The following NAP1L4 variants were observed in gnomAD, a reference collection of about 807,000 sequenced individuals.
NAP1L4 encodes nucleosome assembly protein 1 like 4.
Under a neutral mutation model 58.2 loss-of-function variants are expected in NAP1L4, and 15 were observed. The ratio of observed to expected loss-of-function variants is 0.26; its 90% CI spans 0.17 to 0.40. NAP1L4 has a LOEUF of 0.40. Ranked by LOEUF, NAP1L4 falls within the 10% of genes least tolerant of loss-of-function variation. The pLI, the probability that NAP1L4 is intolerant of heterozygous loss-of-function variation, is 1.00. For synonymous variants in NAP1L4, 171 were observed against 155.6 expected (o/e 1.10, Z -0.74); for missense variants, 384 against 451.1 (o/e 0.85, Z 1.35).
intron 1 of NAP1L4, among the ~76,000 whole-genome samples, chr11:2,985,710 A>G (rs1465997886): frequency 2.6e-5 from 4 of 151,696 alleles, no homozygotes; most frequent in Non-Finnish European, 5.9e-5. Context: ...AACTAAAAAT[A>G]AATAAAAGAC....
Position 2,971,366 on chromosome 11 carries a change from C to T in NAP1L4, c.402+82G>A. On this transcript the variant is annotated intron_variant, in intron 6 of 15. Transcript: ENST00000380542. The surrounding 1 kb of genome is among the most constrained non-coding windows in gnomAD (Gnocchi z 4.2). ...CTACTGTTAGAAGCACATAAGTTTA[C>T]TAGTCATTAAAAATCATTAAAAAAT... 1 of 1,226,458 alleles carries T rather than the reference C, an allele frequency of 8.2e-7. No individual in the cohort carries two copies. The allele number at this position is 1,226,458 out of a possible 1,614,324, so 76.0% of individuals were successfully genotyped here.
chr11:2,959,993 G>C lies in NAP1L4; in HGVS notation c.607-84C>G. ...TGCTTGGAGTACACAACACTTACTA[G>C]AAGCTATTTTGGGAAAGCTCAACAG... is the stretch of plus-strand genomic sequence containing the variant. On this transcript the variant is annotated intron_variant, in intron 8 of 15. Transcript: ENST00000380542. The surrounding 1 kb of genome is among the most constrained non-coding windows in gnomAD (Gnocchi z 4.9). The C allele has an allele frequency of 7.1e-7, 1 of 1,407,158 alleles. No individual in the cohort carries two copies. The highest frequency in any genetic ancestry group is 9.7e-7 in the Non-Finnish European group (1 of 1,029,620). 87.2% of individuals were successfully genotyped at this position (1,407,158 alleles called of 1,614,324 possible). A position where few individuals can be genotyped will look rare whatever the true frequency, so the allele number is the denominator to read the frequency against.
intron 12 of NAP1L4, among the ~76,000 whole-genome samples, chr11:2,953,441 C>T (rs1468642453): frequency 6.6e-6 from 1 of 152,202 alleles, no homozygotes; most frequent in East Asian, 1.9e-4. Context: ...ATTTCAAGTC[C>T]TCAAGTGGTC....
chr11:2,966,036 A>T (rs1272292116), intron 7 of NAP1L4, among the ~76,000 whole-genome samples: 1 of 152,248 alleles, frequency 6.6e-6, no homozygotes, highest in Non-Finnish European at 1.5e-5. Flanking sequence ...AGGAGTGGGA[A>T]GACCTGAATC....
intron 1 of NAP1L4, among the ~76,000 whole-genome samples, chr11:2,985,064 G>A (rs1473367844): frequency 2.6e-5 from 4 of 152,164 alleles, no homozygotes; most frequent in Admixed American, 2.6e-4. Context: ...ATAGACTGAA[G>A]GTAATTTTAT....
intron 7 of NAP1L4, among the ~76,000 whole-genome samples, chr11:2,968,820 T>C (rs61871238): frequency 0.14 from 21,054 of 152,186 alleles, 1,545 homozygotes; most frequent in Middle Eastern, 0.17. Context: ...AGTCAGTCAG[T>C]GAGACTTAAG....
intron 1 of NAP1L4, among the ~76,000 whole-genome samples, chr11:2,987,750 C>T (rs1043065525): frequency 1.8e-5 from 2 of 111,546 alleles, no homozygotes; most frequent in Non-Finnish European, 3.7e-5. Flanking sequence ...GAGCGAGACT[C>T]CACCTCAAAA....
intron 1 of NAP1L4, among the ~76,000 whole-genome samples, chr11:2,986,615 G>A (rs1007877187): frequency 1.4e-5 from 2 of 138,660 alleles, no homozygotes; most frequent in Non-Finnish European, 3.0e-5. Flanking sequence ...CAAAATTAGG[G>A]ATGGTAGTAA....
chr11:2,946,714 C>T lies in NAP1L4; in HGVS notation c.*33-1068G>A, dbSNP rs1845957089. Among the ~76,000 whole-genome samples the T allele has an allele frequency of 6.6e-6, 1 of 152,170 alleles. No individual in the cohort carries two copies. Among genetic ancestry groups the T allele is most frequent in the Non-Finnish European group, 1.5e-5 (1 of 68,040 alleles). On this transcript the variant is annotated intron_variant, in intron 15 of 15. Coordinates refer to ENST00000380542, the MANE Select transcript of NAP1L4 (RefSeq NM_005969.4). The surrounding 1 kb of genome is among the most constrained non-coding windows in gnomAD (Gnocchi z 4.8). ...ATATGCAAAAAACAAAATCAATAAC[C>T]TTGAACCCTGGTGTCTAAGCTCCCA...
At chr11:2,987,550 G>A (rs1253646287) in intron 1 of NAP1L4, among the ~76,000 whole-genome samples, 1 of 151,454 alleles carries the variant, frequency 6.6e-6, no homozygotes, top group Non-Finnish European at 1.5e-5. Flanking sequence ...GAGGTCAGGA[G>A]TTCGAGACCA....
intron 2 of NAP1L4, among the ~76,000 whole-genome samples, chr11:2,978,987 C>T (rs144198438): frequency 6.6e-6 from 1 of 152,188 alleles, no homozygotes; most frequent in African/African-American, 2.4e-5. Flanking sequence ...GAGAGCAAAA[C>T]GATTGCTTTC....
intron 6 of NAP1L4, among the ~76,000 whole-genome samples, chr11:2,970,495 G>A (rs1177569304): frequency 6.6e-6 from 1 of 152,080 alleles, no homozygotes; most frequent in Non-Finnish European, 1.5e-5. Flanking sequence ...AGCTTGTAAG[G>A]AAGTGGCTAT....
chr11:2,957,753 TAAAC>T (rs1846630137), intron 10 of NAP1L4, among the ~76,000 whole-genome samples: 1 of 152,134 alleles, frequency 6.6e-6, no homozygotes, highest in Non-Finnish European at 1.5e-5. Context: ...AATAAATAAA[TAAAC>T]AAAAAGAAGC....
Position 2,945,359 on chromosome 11 carries a change from G to A in NAP1L4, c.*320C>T, listed in dbSNP as rs1372403694. On this transcript the variant is annotated 3_prime_UTR_variant, in exon 16 of 16. Transcript: ENST00000380542. ...AGGGAAAGGCCCAGGGAAGTCCAGAGCTACAGGCACCAAGGCTGCAGAGGG... is the reference window on the plus strand; with the variant it reads ...AGGGAAAGGCCCAGGGAAGTCCAGAACTACAGGCACCAAGGCTGCAGAGGG... The A allele has an allele frequency of 1.0e-5, 5 of 486,922 alleles. No homozygotes were observed. Among genetic ancestry groups the A allele is most frequent in the African/African-American group, 2.0e-5 (1 of 50,612 alleles). The allele number at this position is 486,922 out of a possible 1,614,324, so 30.2% of individuals were successfully genotyped here. A position where few individuals can be genotyped will look rare whatever the true frequency, so the allele number is the denominator to read the frequency against.
chr11:2,991,205 C>CTG (rs1428954931), intron 1 of NAP1L4: 1 of 452,118 alleles, frequency 2.2e-6, no homozygotes, highest in Non-Finnish European at 4.5e-6. Context: ...GTCCCCTTTA[C>CTG]TGGACCCTAA....
At chr11:2,976,789 G>A (rs2133989212) in intron 3 of NAP1L4, among the ~76,000 whole-genome samples, 1 of 152,272 alleles carries the variant, frequency 6.6e-6, no homozygotes, top group East Asian at 1.9e-4. Context: ...ATAAACCAAT[G>A]AATGAGATCC....
chr11:2,977,338 A>G (rs1425926135), intron 3 of NAP1L4, among the ~76,000 whole-genome samples: 1 of 152,126 alleles, frequency 6.6e-6, no homozygotes, highest in African/African-American at 2.4e-5. Flanking sequence ...GCAGGTGCCG[A>G]GCCAACACCC....
In NAP1L4 at chr11:2,949,321, A is replaced by G. The variant is rs543939220; in HGVS notation, c.1123-57T>C. ...CAGCATGAAAGAAAATGAAATGCAC[A>G]AAATTATACAGGAGGAAACGGCCAC... On this transcript the variant is annotated intron_variant, in intron 14 of 15. Coordinates refer to ENST00000380542, the MANE Select transcript of NAP1L4 (RefSeq NM_005969.4). The surrounding 1 kb of genome is among the most constrained non-coding windows in gnomAD (Gnocchi z 4.0). The G allele has an allele frequency of 7.1e-7, 1 of 1,401,884 alleles. No homozygotes were observed. Among genetic ancestry groups the G allele is most frequent in the Admixed American group, 1.7e-5 (1 of 59,402 alleles). 86.8% of individuals were successfully genotyped at this position (1,401,884 alleles called of 1,614,324 possible).
At chr11:2,972,283 C>T in intron 4 of NAP1L4, 40 bp from the exon 5 acceptor site, 12 of 1,523,192 alleles carry the variant, frequency 7.9e-6, no homozygotes, top group Non-Finnish European at 1.1e-5. Context: ...CTCATGCCTG[C>T]AAAATAAAGC....
Sources: gnomAD v4.1 joint callset for allele counts (sites outside exome capture counted in the v4.1 genomes callset) on GRCh38, gnomAD v4.1.1 for gene constraint, Gnocchi (gnomAD v3.1) non-coding constraint, MANE v1.5 for transcripts, NCBI Gene and HGNC (gene_info 2026-07-23, HGNC 2026-07-21) for gene names.